Variants in TMEM62 observed in about 807,000 individuals in gnomAD.
TMEM62 encodes transmembrane protein 62.
Under a neutral mutation model 70.4 loss-of-function variants are expected in TMEM62, and 41 were observed. The observed-to-expected ratio is 0.58, with a 90% CI of 0.45 to 0.76. The LOEUF is 0.76. TMEM62 is among the 30% of genes least tolerant of loss of function. The probability of loss-of-function intolerance (pLI) is 0.00; values close to 1 mark genes in which losing one functional copy is unlikely to be tolerated. For synonymous variants in TMEM62, 268 were observed against 291.0 expected, an observed-to-expected ratio of 0.92 and a Z score of 0.80; for missense variants, 688 against 788.5, an observed-to-expected ratio of 0.87 and a Z score of 1.53.
intron 3 of TMEM62, 120 bp from the exon 4 acceptor site, chr15:43,138,453 TG>T: frequency 1.3e-6 from 1 of 777,432 alleles, no homozygotes; most frequent in Non-Finnish European, 2.1e-6. Context: ...GGCTCTACCC[TG>T]GGGGTGTGTG....
In TMEM62 at chr15:43,175,838, A is replaced by G. The variant is rs192614660; in HGVS notation, c.1382-2769A>G. Among the ~76,000 whole-genome samples, 1,008 of 152,290 alleles carry G rather than the reference A, an allele frequency of 6.6e-3. 6 individuals are homozygous for G. The highest frequency in any genetic ancestry group is 0.023 in the African/African-American group (968 of 41,552). ...GAGTGCCAGACAGTGGGCGCAGGAC[A>G]GTGGGTCCAGCGCACCGTGCGTGAG... On this transcript the variant is annotated intron_variant, in intron 11 of 13. Coordinates refer to ENST00000260403, the MANE Select transcript of TMEM62 (RefSeq NM_024956.4).
intron 8 of TMEM62, 122 bp downstream of exon 8, chr15:43,152,067 C>T (rs1451311380): frequency 6.9e-6 from 4 of 580,612 alleles, no homozygotes; most frequent in Non-Finnish European, 2.8e-6. Flanking sequence ...ACAACCTAAA[C>T]ATTATATAAA....
At position 43,184,735 on chromosome 15, in the gene TMEM62, A is replaced by T. The variant is rs769322072; in HGVS notation, c.*149A>T. 1.4e-4 allele frequency: 92 copies of T among 661,834 alleles called. No homozygotes were observed. Among genetic ancestry groups the T allele is most frequent in the Non-Finnish European group, 2.1e-4 (83 of 389,822 alleles). 41.0% of individuals were successfully genotyped at this position (661,834 alleles called of 1,614,324 possible). ...GTTTGGAGTCCTGGACGTTGGAGGGATTACCCACTACTGATACCTGCAGAA... is the reference window on the plus strand; with the variant it reads ...GTTTGGAGTCCTGGACGTTGGAGGGTTTACCCACTACTGATACCTGCAGAA... On this transcript the variant is annotated 3_prime_UTR_variant, in exon 14 of 14. Transcript: ENST00000260403.
intron 11 of TMEM62, among the ~76,000 whole-genome samples, chr15:43,176,422 T>G (rs1462608857): frequency 6.6e-6 from 1 of 152,164 alleles, no homozygotes; most frequent in Non-Finnish European, 1.5e-5. Flanking sequence ...GCAGCCCAAC[T>G]GGGAGGCACC....
intron 9 of TMEM62, among the ~76,000 whole-genome samples, chr15:43,155,154 C>T (rs565331566): frequency 7.9e-5 from 12 of 152,238 alleles, no homozygotes; most frequent in African/African-American, 2.4e-4. Flanking sequence ...CACTTGAGCC[C>T]AGGAGGTAGA....
intron 7 of TMEM62, among the ~76,000 whole-genome samples, chr15:43,150,343 T>C (rs1246077291): frequency 2.6e-5 from 4 of 152,206 alleles, no homozygotes; most frequent in Non-Finnish European, 5.9e-5. Flanking sequence ...CTTGACCAGC[T>C]TCTTTATTTC....
chr15:43,172,145 T>C (rs1242483662), intron 11 of TMEM62, among the ~76,000 whole-genome samples: 1 of 152,232 alleles, frequency 6.6e-6, no homozygotes, highest in African/African-American at 2.4e-5. Context: ...AACCAACTTA[T>C]ACTAATGTTT....
chr15:43,183,900 T>C (rs779573865), intron 13 of TMEM62, among the ~76,000 whole-genome samples: 2 of 152,236 alleles, frequency 1.3e-5, no homozygotes, highest in Non-Finnish European at 2.9e-5. Flanking sequence ...AAAATACTGA[T>C]AGCCAAGTCC....
At chr15:43,137,836 C>A (rs1277370451) in intron 3 of TMEM62, among the ~76,000 whole-genome samples, 2 of 152,236 alleles carry the variant, frequency 1.3e-5, no homozygotes, top group Non-Finnish European at 2.9e-5. Context: ...ATGGGGGCAG[C>A]CATTTCCCAG....
At chr15:43,179,847 T>C (rs2041165027) in intron 12 of TMEM62, 1 of 152,190 alleles carries the variant, frequency 6.6e-6, no homozygotes, top group Admixed American at 6.5e-5. Context: ...CAGATCACCT[T>C]TGGAGGTAAG....
intron 7 of TMEM62, 34 bp from the exon 8 acceptor site, chr15:43,151,756 T>G (rs373738906): frequency 1.0e-4 from 167 of 1,600,412 alleles, no homozygotes; most frequent in Non-Finnish European, 1.3e-4. Context: ...CAATGTGAAG[T>G]GACTAAATTA....
intron 4 of TMEM62, among the ~76,000 whole-genome samples, chr15:43,143,656 A>G (rs1596223331): frequency 6.6e-6 from 1 of 152,216 alleles, no homozygotes; most frequent in Non-Finnish European, 1.5e-5. Flanking sequence ...TGGTGGCTGG[A>G]GAGCCCAGTT....
chr15:43,169,753 G>A, intron 11 of TMEM62, 76 bp downstream of exon 11: 1 of 1,298,776 alleles, frequency 7.7e-7, no homozygotes, highest in African/African-American at 1.5e-5. Flanking sequence ...TTTTAAAGAG[G>A]TTTATTCTAA....
intron 5 of TMEM62, among the ~76,000 whole-genome samples, chr15:43,147,208 C>T (rs1244298825): frequency 6.6e-6 from 1 of 152,162 alleles, no homozygotes; most frequent in Non-Finnish European, 1.5e-5. Context: ...AAGTGATCCA[C>T]CTGCCTCAGC....
At position 43,137,571 on chromosome 15, in the gene TMEM62, C is replaced by T. The variant is rs144604337; in HGVS notation, c.431-1003C>T. ...TGTGCCAGCAGAGGCAGAGAGCTTG[C>T]GGTGGGCCAGTTGCCCCTGCTGGAG... On this transcript the variant is annotated intron_variant, in intron 3 of 13. Transcript: ENST00000260403. Among the ~76,000 whole-genome samples the T allele has an allele frequency of 8.1e-4, 123 of 152,386 alleles. 1 individual carries two copies. Among genetic ancestry groups the T allele is most frequent in the African/African-American group, 2.8e-3 (115 of 41,600 alleles).
At chr15:43,134,223 T>C in intron 1 of TMEM62, 34 bp from the exon 2 acceptor site, 1 of 1,603,902 alleles carries the variant, frequency 6.2e-7, no homozygotes, top group Non-Finnish European at 8.5e-7. Context: ...TCTTCCTGGC[T>C]CAGATCTCTC....
At chr15:43,171,360 C>T (rs1485690928) in intron 11 of TMEM62, among the ~76,000 whole-genome samples, 9 of 151,204 alleles carry the variant, frequency 6.0e-5, no homozygotes, top group Non-Finnish European at 1.3e-4. Context: ...AAGTTCCCTT[C>T]AAATTCCAAC....
intron 7 of TMEM62, among the ~76,000 whole-genome samples, chr15:43,151,583 G>C (rs1204101454): frequency 6.6e-6 from 1 of 152,154 alleles, no homozygotes; most frequent in Admixed American, 6.5e-5. Context: ...TGAATCCATT[G>C]CCCAGTCAGA....
intron 10 of TMEM62, among the ~76,000 whole-genome samples, chr15:43,166,521 G>C (rs2039428540): frequency 6.6e-6 from 1 of 151,494 alleles, no homozygotes; most frequent in African/African-American, 2.4e-5. Context: ...AAATGATGGA[G>C]AGATATTTCA....
Sources: gnomAD v4.1 joint callset for allele counts (sites outside exome capture counted in the v4.1 genomes callset) on GRCh38, gnomAD v4.1.1 for gene constraint, MANE v1.5 for transcripts, NCBI Gene and HGNC (gene_info 2026-07-23, HGNC 2026-07-21) for gene names.